Variants in PDIA5 observed in about 807,000 individuals in gnomAD.
PDIA5 encodes protein disulfide isomerase family A member 5, also known as protein disulfide-isomerase A5.
PDIA5 carries 58 observed loss-of-function variants against 77.6 expected under a neutral mutation model. That is an observed-to-expected ratio of 0.75 (90% CI 0.61 to 0.93). The LOEUF is 0.93. Among genes scored for constraint, PDIA5 ranks in the 40% least tolerant of loss-of-function variants. The probability of loss-of-function intolerance (pLI) is 0.00; values close to 1 mark genes in which losing one functional copy is unlikely to be tolerated. For synonymous variants in PDIA5, 250 were observed against 252.1 expected, an observed-to-expected ratio of 0.99 and a Z score of 0.08; for missense variants, 630 against 647.7, an observed-to-expected ratio of 0.97 and a Z score of 0.30.
chr3:123,155,157 A>C (rs1935992640), intron 15 of PDIA5, 116 bp downstream of exon 15: 1 of 746,442 alleles, frequency 1.3e-6, no homozygotes, highest in African/African-American at 1.7e-5. Context: ...TGTAAGCAGG[A>C]AATTCCTTGG....
At chr3:123,100,513 G>A (rs1934562392) in intron 3 of PDIA5, among the ~76,000 whole-genome samples, 1 of 152,156 alleles carries the variant, frequency 6.6e-6, no homozygotes, top group African/African-American at 2.4e-5. Context: ...TTCCTCTCTG[G>A]ATTCCTCATG....
At chr3:123,124,240 C>A in intron 9 of PDIA5, 32 bp from the exon 10 acceptor site, 1 of 1,591,278 alleles carries the variant, frequency 6.3e-7, no homozygotes, top group South Asian at 1.1e-5. Flanking sequence ...GCATCCGTGA[C>A]TGAGCCCACG....
intron 1 of PDIA5, among the ~76,000 whole-genome samples, chr3:123,081,837 G>C (rs1164918520): frequency 6.6e-6 from 1 of 152,228 alleles, no homozygotes; most frequent in Non-Finnish European, 1.5e-5. Flanking sequence ...TTAAAGCTGA[G>C]GTGTAATGTG....
intron 8 of PDIA5, among the ~76,000 whole-genome samples, chr3:123,122,570 C>T (rs1935145287): frequency 6.6e-6 from 1 of 152,192 alleles, no homozygotes; most frequent in Admixed American, 6.5e-5. Flanking sequence ...GCCAGAGGCA[C>T]AGTGGCTCCC....
chr3:123,081,210 T>C, intron 1 of PDIA5, among the ~76,000 whole-genome samples: 1 of 152,162 alleles, frequency 6.6e-6, no homozygotes, highest in South Asian at 2.1e-4. Flanking sequence ...GTGGTGGTCG[T>C]GAGAATGGGT....
intron 1 of PDIA5, among the ~76,000 whole-genome samples, chr3:123,076,504 T>C (rs565047684): frequency 6.6e-6 from 1 of 152,350 alleles, no homozygotes; most frequent in Admixed American, 6.5e-5. Context: ...TTAAAAATGC[T>C]ACTGTAACTC....
chr3:123,149,863 G>A (rs1365496121), intron 13 of PDIA5, among the ~76,000 whole-genome samples: 3 of 152,122 alleles, frequency 2.0e-5, no homozygotes, highest in African/African-American at 4.8e-5. Context: ...GATAATGAAC[G>A]ATCATGTAGG....
At chr3:123,101,140 T>C (rs1264765730) in intron 3 of PDIA5, among the ~76,000 whole-genome samples, 2 of 152,144 alleles carry the variant, frequency 1.3e-5, no homozygotes, top group African/African-American at 4.8e-5. Flanking sequence ...CCAAACCTTA[T>C]GGAGGTAGGG....
At chr3:123,127,919 G>C (rs1409077162) in intron 10 of PDIA5, among the ~76,000 whole-genome samples, 3 of 152,198 alleles carry the variant, frequency 2.0e-5, no homozygotes, top group African/African-American at 7.2e-5. Flanking sequence ...GCAGGAGTTA[G>C]TAAAGGGGTG....
Position 123,130,607 on chromosome 3 carries a change from C to T in PDIA5, c.901C>T (p.His301Tyr), listed in dbSNP as rs1935350179. 1 of 1,613,972 alleles carries T rather than the reference C, an allele frequency of 6.2e-7. No individual in the cohort carries two copies. Among genetic ancestry groups the T allele is most frequent in the Non-Finnish European group, 8.5e-7 (1 of 1,179,956 alleles). Residue 301 changes from histidine to tyrosine, a missense_variant, in exon 11 of 17, where the codon CAC (histidine) becomes TAC (tyrosine). Coordinates refer to ENST00000316218, the MANE Select transcript of PDIA5 (RefSeq NM_006810.4). ...KEHSSVLVMF[H>Y]APWCGHCKKM... ...ACACTCCTCTGTCCTCGTCATGTTC[C>T]ACGCCCCATGTGAGTGGAACTTTGC...
intron 14 of PDIA5, among the ~76,000 whole-genome samples, chr3:123,154,594 CAAGAG>C (rs1245137267): frequency 6.6e-6 from 1 of 152,136 alleles, no homozygotes; most frequent in Non-Finnish European, 1.5e-5. Flanking sequence ...GTCCCTGGAG[CAAGAG>C]AAGATTGTAG....
At chr3:123,142,214 G>A (rs187690225) in intron 11 of PDIA5, among the ~76,000 whole-genome samples, 28 of 152,338 alleles carry the variant, frequency 1.8e-4, no homozygotes, top group Non-Finnish European at 3.1e-4. Flanking sequence ...ACTGGATCGC[G>A]GGCTGCACTT....
chr3:123,082,704 T>C (rs1197646243), intron 1 of PDIA5, among the ~76,000 whole-genome samples: 1 of 152,094 alleles, frequency 6.6e-6, no homozygotes, highest in East Asian at 1.9e-4. Context: ...TAAAGAGAAG[T>C]GCAATTATTC....
At chr3:123,151,282 C>T (rs1269318244) in intron 14 of PDIA5, among the ~76,000 whole-genome samples, 4 of 152,240 alleles carry the variant, frequency 2.6e-5, no homozygotes, top group Admixed American at 6.5e-5. Context: ...ACAGAGCTTC[C>T]GGCTGTCCTC....
chr3:123,085,975 T>C (rs1245751246), intron 1 of PDIA5, among the ~76,000 whole-genome samples: 2 of 152,188 alleles, frequency 1.3e-5, no homozygotes, highest in Non-Finnish European at 2.9e-5. Flanking sequence ...TTTAGCAGAC[T>C]TTTTGGTGAG....
chr3:123,113,777 T>C (rs918753744), intron 7 of PDIA5, among the ~76,000 whole-genome samples: 1 of 152,106 alleles, frequency 6.6e-6, no homozygotes, highest in Non-Finnish European at 1.5e-5. Flanking sequence ...CCAAAGGCAG[T>C]GAGAACCTTT....
intron 14 of PDIA5, among the ~76,000 whole-genome samples, chr3:123,154,222 C>A (rs1225360752): frequency 6.6e-6 from 1 of 152,118 alleles, no homozygotes; most frequent in African/African-American, 2.4e-5. Flanking sequence ...GAGGTAGGGG[C>A]CCCAGTATAG....
Position 123,114,851 on chromosome 3 carries a change from A to G in PDIA5, c.542-1380A>G, listed in dbSNP as rs551395755. On this transcript the variant is annotated intron_variant, in intron 7 of 16. Coordinates refer to ENST00000316218, the MANE Select transcript of PDIA5 (RefSeq NM_006810.4). ...AGCTCCTTTTCTCCTGCCAGGACTG[A>G]TGGCAGAACTTAAGCCCAGGGTTCG... 1.4e-3 allele frequency among the ~76,000 whole-genome samples: 219 copies of G among 152,286 alleles called. 1 individual carries two copies. Among genetic ancestry groups the G allele is most frequent in the African/African-American group, 5.0e-3 (207 of 41,568 alleles).
intron 2 of PDIA5, 27 bp from the exon 3 acceptor site, chr3:123,092,328 G>A (rs774119918): frequency 6.3e-6 from 10 of 1,590,984 alleles, no homozygotes; most frequent in Admixed American, 1.7e-5. Flanking sequence ...GGTCACAGAT[G>A]TTTAATTTTT....
Sources: allele counts gnomAD v4.1 joint callset (sites outside exome capture counted in the v4.1 genomes callset), GRCh38; gene constraint gnomAD v4.1.1; transcripts MANE v1.5; gene names NCBI Gene and HGNC (gene_info 2026-07-23, HGNC 2026-07-21).